Variants in CTNNA3 observed in about 807,000 individuals in gnomAD.
The protein encoded by CTNNA3 is catenin alpha-3.
CTNNA3 carries 76 observed loss-of-function variants against 95.7 expected under a neutral mutation model. The observed-to-expected ratio is 0.79, with a 90% CI of 0.66 to 0.96. CTNNA3 has a LOEUF of 0.96. CTNNA3 is among the 40% of genes least tolerant of loss of function. The pLI, the probability that CTNNA3 is intolerant of heterozygous loss-of-function variation, is 0.00. For synonymous variants in CTNNA3, 431 were observed against 374.4 expected, an observed-to-expected ratio of 1.15 and a Z score of -1.74; for missense variants, 1,191 against 1,089.8, an observed-to-expected ratio of 1.09 and a Z score of -1.31.
intron 7 of CTNNA3, among the ~76,000 whole-genome samples, chr10:66,826,139 T>A (rs1842501821): frequency 6.6e-6 from 1 of 152,172 alleles, no homozygotes; most frequent in African/African-American, 2.4e-5. Flanking sequence ...TTCTTGATGG[T>A]GTTGTCAGTT....
intron 15 of CTNNA3, among the ~76,000 whole-genome samples, chr10:66,045,258 C>G (rs575255993): frequency 1.5e-4 from 23 of 152,304 alleles, no homozygotes; most frequent in Non-Finnish European, 2.6e-4. Context: ...AACCAAACTA[C>G]TCTATACTGG....
intron 12 of CTNNA3, among the ~76,000 whole-genome samples, chr10:66,328,397 A>G (rs2092282649): frequency 1.3e-5 from 2 of 152,002 alleles, no homozygotes; most frequent in Non-Finnish European, 2.9e-5. Flanking sequence ...AAGACAAGAC[A>G]CCTGAGCATG....
At chr10:67,114,053 A>C (rs905457968) in intron 7 of CTNNA3, among the ~76,000 whole-genome samples, 3 of 150,414 alleles carry the variant, frequency 2.0e-5, no homozygotes, top group African/African-American at 7.3e-5. Context: ...ACCGCACTTC[A>C]GTCTGGGTGA....
At chr10:66,169,183 C>T (rs2085291215) in intron 13 of CTNNA3, among the ~76,000 whole-genome samples, 1 of 152,150 alleles carries the variant, frequency 6.6e-6, no homozygotes, top group Admixed American at 6.6e-5. Context: ...TCCCTTCCTT[C>T]CCTTTACCCC....
intron 1 of CTNNA3, among the ~76,000 whole-genome samples, chr10:67,751,545 C>T (rs979610793): frequency 4.1e-5 from 6 of 146,276 alleles, no homozygotes; most frequent in African/African-American, 1.6e-4. Flanking sequence ...AAATAATGAT[C>T]GTAAAAAAAA....
Position 65,963,650 on chromosome 10 carries a change from A to G in CTNNA3, c.2400+2962T>C, listed in dbSNP as rs1280068602. ...TTTTATGCATTTCAATATCTTAAGG[A>G]AATTATCATATAATCATCTTTACAT... On this transcript the variant is annotated intron_variant, in intron 17 of 17. Coordinates refer to ENST00000433211, the MANE Select transcript of CTNNA3 (RefSeq NM_013266.4). 2.0e-5 allele frequency among the ~76,000 whole-genome samples: 3 copies of G among 152,158 alleles called. No individual in the cohort carries two copies. The East Asian group carries it at 5.8e-4, about 29-fold the overall frequency.
intron 13 of CTNNA3, among the ~76,000 whole-genome samples, chr10:66,213,260 C>T (rs982475988): frequency 2.0e-5 from 3 of 151,526 alleles, no homozygotes; most frequent in Non-Finnish European, 4.4e-5. Flanking sequence ...ATCATGTATC[C>T]TCATATTTGA....
intron 10 of CTNNA3, among the ~76,000 whole-genome samples, chr10:66,608,932 G>T (rs1844230023): frequency 6.6e-6 from 1 of 152,066 alleles, no homozygotes; most frequent in Non-Finnish European, 1.5e-5. Context: ...AGAAAAAATT[G>T]ACAATTGGGA....
chr10:66,667,740 T>C (rs10762087), intron 9 of CTNNA3, among the ~76,000 whole-genome samples: 100,174 of 151,854 alleles, frequency 0.66, 33,931 homozygotes, highest in East Asian at 0.95. Flanking sequence ...ACTTAAGAGG[T>C]TCTTTTTAGT....
At chr10:67,026,183 C>A (rs941135267) in intron 7 of CTNNA3, among the ~76,000 whole-genome samples, 3 of 148,356 alleles carry the variant, frequency 2.0e-5, no homozygotes, top group African/African-American at 7.5e-5. Context: ...GGGTGCAGCA[C>A]ACCAGCATGG....
At chr10:66,139,761 G>A (rs951867153) in intron 13 of CTNNA3, among the ~76,000 whole-genome samples, 4 of 152,166 alleles carry the variant, frequency 2.6e-5, no homozygotes, top group South Asian at 2.1e-4. Context: ...AGCTCTGGGC[G>A]GGAATCAGGC....
chr10:67,705,341 C>A (rs1313445469), intron 1 of CTNNA3, among the ~76,000 whole-genome samples: 1 of 150,678 alleles, frequency 6.6e-6, no homozygotes, highest in Non-Finnish European at 1.5e-5. Flanking sequence ...ATGTTTATTG[C>A]GGCACTATTC....
intron 6 of CTNNA3, among the ~76,000 whole-genome samples, chr10:67,217,305 CAATA>C (rs1308156930): frequency 6.6e-6 from 1 of 152,086 alleles, no homozygotes; most frequent in Non-Finnish European, 1.5e-5. Context: ...GTTAAATGCT[CAATA>C]AATTCTGCTT....
At chr10:67,696,506 C>A (rs956607773), upstream of CTNNA3, among the ~76,000 whole-genome samples, 1 of 152,156 alleles carries the variant, frequency 6.6e-6, no homozygotes, top group African/African-American at 2.4e-5. Flanking sequence ...GTCTTCAGAA[C>A]CCTAGAGATG....
At chr10:66,856,664 G>A (rs10997422) in intron 7 of CTNNA3, among the ~76,000 whole-genome samples, 43,119 of 151,948 alleles carry the variant, frequency 0.28, 6,945 homozygotes, top group East Asian at 0.54. Flanking sequence ...GATTAATAAT[G>A]TCGAGCATTT....
chr10:66,243,158 G>A (rs549912318), intron 13 of CTNNA3, among the ~76,000 whole-genome samples: 1 of 152,284 alleles, frequency 6.6e-6, no homozygotes, highest in East Asian at 1.9e-4. Context: ...CAGACTCTTT[G>A]TGGCAATCAG....
chr10:66,717,261 G>A (rs12355282), intron 9 of CTNNA3, among the ~76,000 whole-genome samples: 11,420 of 152,108 alleles, frequency 0.075, 574 homozygotes, highest in Non-Finnish European at 0.11. Context: ...GGAGGACCCC[G>A]ACTGACACAG....
chr10:66,332,892 C>G, intron 12 of CTNNA3, among the ~76,000 whole-genome samples: 1 of 152,090 alleles, frequency 6.6e-6, no homozygotes, highest in Non-Finnish European at 1.5e-5. Context: ...TTAATTATTG[C>G]TTCAATTTCA....
At chr10:67,442,952 C>T (rs1846585528) in intron 5 of CTNNA3, among the ~76,000 whole-genome samples, 1 of 112,210 alleles carries the variant, frequency 8.9e-6, no homozygotes, top group African/African-American at 3.4e-5. Flanking sequence ...CCCCTCCCCC[C>T]ACCCCACAAC....
Sources: allele counts gnomAD v4.1 joint callset (sites outside exome capture counted in the v4.1 genomes callset), GRCh38; gene constraint gnomAD v4.1.1; transcripts MANE v1.5; gene names NCBI Gene and HGNC (gene_info 2026-07-23, HGNC 2026-07-21).